PALLD: variants seen among roughly 807,000 people sequenced by gnomAD.
The protein encoded by PALLD is palladin, cytoskeletal associated protein.
Under a neutral mutation model 123.5 loss-of-function variants are expected in PALLD, and 61 were observed. The observed-to-expected ratio is 0.49, with a 90% CI of 0.40 to 0.61. PALLD has a LOEUF of 0.61. Ranked by LOEUF, PALLD falls within the 20% of genes least tolerant of loss-of-function variation. The probability of loss-of-function intolerance (pLI) is 0.00; values close to 1 mark genes in which losing one functional copy is unlikely to be tolerated. For missense variants in PALLD, 1,273 were observed against 1,377.0 expected (o/e 0.92, Z 1.20); for synonymous variants, 465 against 496.4 (o/e 0.94, Z 0.84).
intron 10 of PALLD, among the ~76,000 whole-genome samples, chr4:168,824,304 A>G (rs1469310536): frequency 6.6e-6 from 1 of 152,076 alleles, no homozygotes; most frequent in African/African-American, 2.4e-5. Context: ...AATCCTCTTA[A>G]GTGAATACTT....
intron 10 of PALLD, among the ~76,000 whole-genome samples, chr4:168,784,195 A>AG (rs1421061385): frequency 3.3e-5 from 5 of 152,140 alleles, no homozygotes; most frequent in Non-Finnish European, 4.4e-5. Context: ...ACCAATGAAG[A>AG]GAAAAAATGT....
intron 10 of PALLD, among the ~76,000 whole-genome samples, chr4:168,721,928 C>T (rs7697688): frequency 0.11 from 17,464 of 152,250 alleles, 1,175 homozygotes; most frequent in East Asian, 0.36. Context: ...AACTTTACTC[C>T]TCCACAAACA....
chr4:168,811,745 TTCTC>T (rs1298712536), intron 10 of PALLD, among the ~76,000 whole-genome samples: 1 of 130,446 alleles, frequency 7.7e-6, no homozygotes, highest in Non-Finnish European at 1.6e-5. Flanking sequence ...CTGTCTCTCT[TTCTC>T]TCTCTCTTTC....
intron 10 of PALLD, among the ~76,000 whole-genome samples, chr4:168,764,263 A>G (rs547374519): frequency 6.6e-6 from 1 of 152,216 alleles, no homozygotes; most frequent in Non-Finnish European, 1.5e-5. Context: ...CTGAGAGAAC[A>G]TAATTTAATA....
intron 2 of PALLD, among the ~76,000 whole-genome samples, chr4:168,667,404 G>A (rs933132682): frequency 2.6e-5 from 4 of 152,090 alleles, no homozygotes; most frequent in African/African-American, 9.7e-5. Context: ...GCAGCTTTGG[G>A]CTTTGTTTTG....
chr4:168,676,830 C>T (rs758197887), intron 3 of PALLD, among the ~76,000 whole-genome samples: 1 of 151,894 alleles, frequency 6.6e-6, no homozygotes, highest in Admixed American at 6.6e-5. Flanking sequence ...CCGCCCACCT[C>T]GGCCTCCCAA....
In PALLD at chr4:168,869,798, G is replaced by C; in HGVS notation, c.1965-21124G>C. On this transcript the variant is annotated intron_variant, in intron 10 of 21. Coordinates refer to ENST00000505667, the MANE Select transcript of PALLD (RefSeq NM_001166108.2). The surrounding 1 kb of genome is among the most constrained non-coding windows in gnomAD (Gnocchi z 4.5). ...AGTGGATAGTGGAATTCAGGACTGA[G>C]GGCTGGGTTAGAGAGATCAGGGAGT... is the stretch of plus-strand genomic sequence containing the variant. Among the ~76,000 whole-genome samples the C allele has an allele frequency of 6.6e-6, 1 of 152,290 alleles. No individual in the cohort carries two copies. The highest frequency in any genetic ancestry group is 1.9e-4 in the East Asian group (1 of 5,190).
chr4:168,631,482 T>C (rs1323837886), intron 2 of PALLD: 1 of 452,822 alleles, frequency 2.2e-6, no homozygotes, highest in African/African-American at 2.1e-5. Context: ...CTAAGTGCGA[T>C]AAGAGCATGG....
intron 2 of PALLD, among the ~76,000 whole-genome samples, chr4:168,571,220 T>G (rs1404748171): frequency 6.6e-6 from 1 of 152,198 alleles, no homozygotes; most frequent in Non-Finnish European, 1.5e-5. Flanking sequence ...TCCTTCTGCT[T>G]CATTTATTCT....
At chr4:168,700,949 TC>T (rs1279034966) in intron 8 of PALLD, 1 of 152,148 alleles carries the variant, frequency 6.6e-6, no homozygotes, top group African/African-American at 2.4e-5. Context: ...TGTTAAAATC[TC>T]CCACTAGAGG....
intron 2 of PALLD, among the ~76,000 whole-genome samples, chr4:168,540,437 T>G (rs1765505720): frequency 1.3e-5 from 2 of 152,176 alleles, no homozygotes; most frequent in Admixed American, 1.3e-4. Context: ...CACCTCACCC[T>G]CTTTCTGTCC....
intron 17 of PALLD, among the ~76,000 whole-genome samples, chr4:168,916,967 C>T (rs903348860): frequency 6.6e-6 from 1 of 151,714 alleles, no homozygotes; most frequent in Non-Finnish European, 1.5e-5. Context: ...CAGTGCCCCG[C>T]CCCCATTTTC....
Position 168,877,964 on chromosome 4 carries a change from C to A in PALLD, c.1965-12958C>A, listed in dbSNP as rs1303564103. 1.3e-6 allele frequency: 2 copies of A among 1,501,626 alleles called. No homozygotes were observed. Among genetic ancestry groups the A allele is most frequent in the Non-Finnish European group, 1.8e-6 (2 of 1,130,858 alleles). 93.0% of individuals were successfully genotyped at this position (1,501,626 alleles called of 1,614,324 possible). A position where few individuals can be genotyped will look rare whatever the true frequency, so the allele number is the denominator to read the frequency against. On this transcript the variant is annotated intron_variant, in intron 10 of 21. Transcript: ENST00000505667. ...CTCCTTCAACTACGCGCGCCCCAAG[C>A]AGTTCATCGCCGCGCAGAACCTCGG...
At chr4:168,894,166 T>G in intron 11 of PALLD, 1 of 209,392 alleles carries the variant, frequency 4.8e-6, no homozygotes, top group Non-Finnish European at 9.7e-6. Flanking sequence ...ATCTTTGTTT[T>G]TTCTTTCAGT....
intron 8 of PALLD, among the ~76,000 whole-genome samples, chr4:168,706,483 C>T (rs527649485): frequency 1.3e-5 from 2 of 152,338 alleles, no homozygotes; most frequent in African/African-American, 4.8e-5. Flanking sequence ...TTGAGCTACA[C>T]TACAATGCTA....
At chr4:168,599,999 ACACG>A (rs1772396966) in intron 2 of PALLD, among the ~76,000 whole-genome samples, 1 of 146,234 alleles carries the variant, frequency 6.8e-6, no homozygotes, top group African/African-American at 2.5e-5. Flanking sequence ...GTGTATACAC[ACACG>A]TATATACATA....
At chr4:168,878,867 C>T (rs1290648561) in intron 10 of PALLD, among the ~76,000 whole-genome samples, 1 of 152,164 alleles carries the variant, frequency 6.6e-6, no homozygotes, top group Non-Finnish European at 1.5e-5. Context: ...TCCATGCTCT[C>T]ACCACCAAAC....
At chr4:168,853,453 T>G (rs1010429838) in intron 10 of PALLD, among the ~76,000 whole-genome samples, 2 of 151,934 alleles carry the variant, frequency 1.3e-5, no homozygotes, top group South Asian at 4.2e-4. Flanking sequence ...ATAAAAGACA[T>G]GTAAGGAGTG....
intron 10 of PALLD, among the ~76,000 whole-genome samples, chr4:168,875,913 G>A (rs1208499335): frequency 6.6e-6 from 1 of 152,214 alleles, no homozygotes; most frequent in Non-Finnish European, 1.5e-5. Flanking sequence ...AGCGTGATAT[G>A]ATGTCTGTAG....
Sources: allele counts gnomAD v4.1 joint callset (sites outside exome capture counted in the v4.1 genomes callset), GRCh38; gene constraint gnomAD v4.1.1; non-coding constraint Gnocchi (gnomAD v3.1); transcripts MANE v1.5; gene names NCBI Gene and HGNC (gene_info 2026-07-23, HGNC 2026-07-21).